Variants in AJAP1 observed in about 807,000 individuals in gnomAD.
AJAP1 encodes adherens junctions associated protein 1.
Under a neutral mutation model 35.0 loss-of-function variants are expected in AJAP1, and 5 were observed. The observed-to-expected ratio is 0.14, with a 90% CI of 0.07 to 0.30. The LOEUF is 0.30. AJAP1 is among the 10% of genes least tolerant of loss of function. The pLI, the probability that AJAP1 is intolerant of heterozygous loss-of-function variation, is 1.00. For synonymous variants in AJAP1, 284 were observed against 249.3 expected (o/e 1.14, Z -1.31); for missense variants, 586 against 571.0 (o/e 1.03, Z -0.27).
intron 3 of AJAP1, 74 bp downstream of exon 3, chr1:4,770,014 C>A: frequency 7.6e-7 from 1 of 1,323,214 alleles, no homozygotes; most frequent in Non-Finnish European, 1.1e-6. Context: ...TACAGAAAGG[C>A]CCCTACTTTT....
At chr1:4,772,808 T>C (rs566873419) in intron 4 of AJAP1, among the ~76,000 whole-genome samples, 1 of 152,172 alleles carries the variant, frequency 6.6e-6, no homozygotes, top group Non-Finnish European at 1.5e-5. Context: ...CAGCCCTCGC[T>C]CTGAACCGTC....
Position 4,654,853 on chromosome 1 carries a change from G to T in AJAP1, c.-573G>T, listed in dbSNP as rs1193222108. 6.6e-6 allele frequency: 1 copy of T among 150,742 alleles called. No homozygotes were observed. The highest frequency in any genetic ancestry group is 1.5e-5 in the Non-Finnish European group (1 of 67,596). The allele number at this position is 150,742 out of a possible 1,614,324, so 9.3% of individuals were successfully genotyped here. On this transcript the variant is annotated 5_prime_UTR_variant, in exon 1 of 6. Coordinates refer to ENST00000378191, the MANE Select transcript of AJAP1 (RefSeq NM_018836.4). This position sits in a 1 kb window ranked among gnomAD's most constrained non-coding sequence, Gnocchi z 5.1. ...GACGGAGCCCCCGGGCAACTTGAGT[G>T]GCGCCGATCGGCGGCGGAGCCTCTG...
At chr1:4,657,425 A>G (rs1229011934) in intron 1 of AJAP1, among the ~76,000 whole-genome samples, 1 of 152,068 alleles carries the variant, frequency 6.6e-6, no homozygotes, top group Non-Finnish European at 1.5e-5. Context: ...CTGGCCAGAG[A>G]AGGAGGCCTG....
intron 2 of AJAP1, among the ~76,000 whole-genome samples, chr1:4,749,108 G>A (rs78486662): frequency 1.8e-4 from 27 of 152,302 alleles, no homozygotes; most frequent in Non-Finnish European, 3.2e-4. Context: ...GCAGTGCCCA[G>A]CTCGTTCCAG....
At chr1:4,763,076 C>CAACCCA (rs1641608227) in intron 2 of AJAP1, among the ~76,000 whole-genome samples, 5 of 152,192 alleles carry the variant, frequency 3.3e-5, no homozygotes, top group Admixed American at 2.0e-4. Flanking sequence ...GGTGACCCTC[C>CAACCCA]AACCCAAGGC....
At chr1:4,775,075 G>A (rs930752452) in intron 5 of AJAP1, among the ~76,000 whole-genome samples, 15 of 152,144 alleles carry the variant, frequency 9.9e-5, no homozygotes, top group Non-Finnish European at 2.2e-4. Context: ...AAGAAAGAAA[G>A]GGAAGAGTTG....
chr1:4,673,154 G>A, intron 1 of AJAP1, among the ~76,000 whole-genome samples: 1 of 152,194 alleles, frequency 6.6e-6, no homozygotes, highest in Non-Finnish European at 1.5e-5. Context: ...AGCCCAGTGA[G>A]ATGACCCTGA....
intron 1 of AJAP1, 32 bp from the exon 2 acceptor site, chr1:4,711,868 G>C (rs1640248248): frequency 7.0e-7 from 1 of 1,434,522 alleles, no homozygotes; most frequent in Non-Finnish European, 9.2e-7. Flanking sequence ...GGCTTCCACT[G>C]ACCGCTCTTC....
intron 2 of AJAP1, among the ~76,000 whole-genome samples, chr1:4,746,829 G>T (rs1641198578): frequency 6.6e-6 from 1 of 152,162 alleles, no homozygotes; most frequent in Admixed American, 6.5e-5. Flanking sequence ...CTGGGAAATT[G>T]CCTCCCCACC....
intron 1 of AJAP1, among the ~76,000 whole-genome samples, chr1:4,661,517 C>T (rs1299470698): frequency 6.6e-6 from 1 of 152,212 alleles, no homozygotes; most frequent in Non-Finnish European, 1.5e-5. Context: ...GGGATTTGAA[C>T]CCAGGTTTCC....
Position 4,782,493 on chromosome 1 carries a change from C to G in AJAP1, c.*60-52C>G, listed in dbSNP as rs552639032. 1 of 327,528 alleles carries G rather than the reference C, an allele frequency of 3.1e-6. No individual in the cohort carries two copies. The highest frequency in any genetic ancestry group is 5.5e-6 in the Non-Finnish European group (1 of 181,592). The allele number at this position is 327,528 out of a possible 1,614,324, so 20.3% of individuals were successfully genotyped here. A position where few individuals can be genotyped will look rare whatever the true frequency, so the allele number is the denominator to read the frequency against. On this transcript the variant is annotated intron_variant, in intron 5 of 5. Coordinates refer to ENST00000378191, the MANE Select transcript of AJAP1 (RefSeq NM_018836.4). This position sits in a 1 kb window ranked among gnomAD's most constrained non-coding sequence, Gnocchi z 5.3. ...TCGACCGAGAACCCCACAGACTTGT[C>G]GCGCCCTCGGCGTGCTGCCATTTAA...
At chr1:4,677,164 TAAAAG>T (rs950449244) in intron 1 of AJAP1, among the ~76,000 whole-genome samples, 7 of 152,018 alleles carry the variant, frequency 4.6e-5, no homozygotes, top group African/African-American at 9.7e-5. Flanking sequence ...TCTCAAAAAA[TAAAAG>T]AAAAGCAATG....
intron 2 of AJAP1, among the ~76,000 whole-genome samples, chr1:4,748,047 C>T (rs1204015787): frequency 1.3e-5 from 2 of 151,962 alleles, no homozygotes; most frequent in Non-Finnish European, 2.9e-5. Flanking sequence ...CAACCCAAAC[C>T]CCACCCACTG....
chr1:4,674,519 C>T (rs1030875761), intron 1 of AJAP1, among the ~76,000 whole-genome samples: 2 of 152,214 alleles, frequency 1.3e-5, no homozygotes, highest in Admixed American at 6.5e-5. Context: ...GTCAACGACC[C>T]CTGCTTTAGG....
At chr1:4,688,545 G>C (rs1174339196) in intron 1 of AJAP1, among the ~76,000 whole-genome samples, 1 of 152,072 alleles carries the variant, frequency 6.6e-6, no homozygotes, top group Non-Finnish European at 1.5e-5. Flanking sequence ...GGCCGAGGCA[G>C]GCGGATCACC....
Position 4,718,111 on chromosome 1 carries a change from G to A in AJAP1, c.829+5412G>A, listed in dbSNP as rs575721216. 1.8e-4 allele frequency among the ~76,000 whole-genome samples: 27 copies of A among 152,146 alleles called. No individual in the cohort carries two copies. The South Asian group carries it at 4.2e-3, about 24-fold the overall frequency. On this transcript the variant is annotated intron_variant, in intron 2 of 5. Transcript: ENST00000378191. Reference sequence around the variant, plus strand: ...CTGGGATCTTCTGAATGGATGCAGCGTGGCAAATCCTGAGTGCCGTGGTTC... The same window carrying A: ...CTGGGATCTTCTGAATGGATGCAGCATGGCAAATCCTGAGTGCCGTGGTTC...
intron 1 of AJAP1, among the ~76,000 whole-genome samples, chr1:4,685,579 G>A (rs569948748): frequency 2.6e-5 from 4 of 152,284 alleles, no homozygotes; most frequent in African/African-American, 7.2e-5. Flanking sequence ...CAATGGCATC[G>A]ACAGATCACC....
intron 2 of AJAP1, among the ~76,000 whole-genome samples, chr1:4,769,593 G>A (rs896311329): frequency 1.3e-5 from 2 of 152,184 alleles, no homozygotes; most frequent in African/African-American, 2.4e-5. Flanking sequence ...CTTGGAGACT[G>A]ACAGGGTGGT....
chr1:4,736,649 T>C (rs946170849), intron 2 of AJAP1, among the ~76,000 whole-genome samples: 8 of 152,262 alleles, frequency 5.3e-5, no homozygotes, highest in African/African-American at 1.9e-4. Context: ...TTTTTGATTC[T>C]TTTTATCCTC....
Sources: gnomAD v4.1 joint callset for allele counts (sites outside exome capture counted in the v4.1 genomes callset) on GRCh38, gnomAD v4.1.1 for gene constraint, Gnocchi (gnomAD v3.1) non-coding constraint, MANE v1.5 for transcripts, NCBI Gene and HGNC (gene_info 2026-07-23, HGNC 2026-07-21) for gene names.